RIMBP2: variants seen among roughly 807,000 people sequenced by gnomAD.
RIMBP2 encodes the protein RIMS binding protein 2, also known as RIMS-binding protein 2.
Under a neutral mutation model 118.6 loss-of-function variants are expected in RIMBP2, and 48 were observed. The observed-to-expected ratio is 0.40, with a 90% confidence interval of 0.32 to 0.51. The LOEUF (loss-of-function observed/expected upper bound fraction) is 0.51, where lower values mean the gene tolerates loss of function less well. Among genes scored for constraint, RIMBP2 ranks in the 20% least tolerant of loss-of-function variants. The pLI, the probability that RIMBP2 is intolerant of heterozygous loss-of-function variation, is 0.41. For synonymous variants in RIMBP2, 762 were observed against 742.9 expected, an observed-to-expected ratio of 1.03 and a Z score of -0.42; for missense variants, 1,551 against 1,768.3, an observed-to-expected ratio of 0.88 and a Z score of 2.20.
intron 10 of RIMBP2, among the ~76,000 whole-genome samples, chr12:130,444,094 C>A (rs2078339323): frequency 6.6e-6 from 1 of 152,186 alleles, no homozygotes; most frequent in East Asian, 1.9e-4. Flanking sequence ...GAGAAAGTTC[C>A]AGAGATTTCA....
chr12:130,500,906 A>C (rs1457172742), intron 4 of RIMBP2, among the ~76,000 whole-genome samples: 3 of 152,024 alleles, frequency 2.0e-5, no homozygotes, highest in Non-Finnish European at 4.4e-5. Context: ...ACTCTACCAC[A>C]CGCGTCATCT....
chr12:130,573,901 G>C (rs1018358428), intron 2 of RIMBP2, among the ~76,000 whole-genome samples: 1 of 152,052 alleles, frequency 6.6e-6, no homozygotes, highest in Non-Finnish European at 1.5e-5. Context: ...TCACTTTCCA[G>C]CCTCCACCCA....
chr12:130,492,262 G>A (rs1416616175), intron 4 of RIMBP2, among the ~76,000 whole-genome samples: 1 of 152,184 alleles, frequency 6.6e-6, no homozygotes, highest in Non-Finnish European at 1.5e-5. Flanking sequence ...GGTCTTTAAA[G>A]CTGTTTGTTT....
rs1311658569 is a variant in RIMBP2 at position 130,434,835 on chromosome 12, A to G, written c.2152T>C (p.Tyr718His). The G allele has an allele frequency of 6.2e-7, 1 of 1,613,728 alleles. No homozygotes were observed. Among genetic ancestry groups the G allele is most frequent in the Admixed American group, 1.7e-5 (1 of 60,008 alleles). ...GCGTCCTCCTCGTCTGAGGCGGCGT[A>G]CTGCCCCGCGCTGCTTCTCTCTAGG... is the stretch of plus-strand genomic sequence containing the variant. ...VFLERSSAGQ[Y>H]AASDEEDAYD... The change falls in exon 14 of 23, where the codon TAC becomes CAC. Residue 718 changes from tyrosine to histidine, a missense_variant. Coordinates refer to ENST00000690449, the MANE Select transcript of RIMBP2 (RefSeq NM_001393629.1). The surrounding 1 kb of genome is among the most constrained non-coding windows in gnomAD (Gnocchi z 5.7).
At chr12:130,411,455 T>C (rs1195602872) in intron 19 of RIMBP2, among the ~76,000 whole-genome samples, 1 of 152,188 alleles carries the variant, frequency 6.6e-6, no homozygotes, top group Non-Finnish European at 1.5e-5. Flanking sequence ...ACATTCAGCC[T>C]TTCACCATTA....
At chr12:130,571,416 A>ACATTTTTTTTTTTTTTT (rs386378267) in intron 2 of RIMBP2, among the ~76,000 whole-genome samples, 2 of 104,298 alleles carry the variant, frequency 1.9e-5, no homozygotes, top group African/African-American at 3.2e-5. Context: ...CCATAGTAAC[A>ACATTTTTTTTTTTTTTT]TTTTTTTTTT....
At chr12:130,664,375 G>GCA (rs2063780791) in intron 1 of RIMBP2, among the ~76,000 whole-genome samples, 1 of 106,898 alleles carries the variant, frequency 9.4e-6, no homozygotes, top group African/African-American at 3.1e-5. Context: ...GCACGTGCAT[G>GCA]CACGCACGCG....
chr12:130,552,255 G>A (rs1391051493), intron 2 of RIMBP2, among the ~76,000 whole-genome samples: 8 of 152,174 alleles, frequency 5.3e-5, no homozygotes, highest in South Asian at 4.1e-4. Flanking sequence ...GTAGAGGGCC[G>A]TGGGCAGTGT....
chr12:130,433,250 C>G (rs1407118600), intron 14 of RIMBP2, among the ~76,000 whole-genome samples: 1 of 152,212 alleles, frequency 6.6e-6, no homozygotes, highest in African/African-American at 2.4e-5. Context: ...TGGGGTTTAC[C>G]TTTTGGTGGA....
Position 130,442,925 on chromosome 12 carries a change from A to G in RIMBP2, c.692-265T>C, listed in dbSNP as rs965059479. Among the ~76,000 whole-genome samples the G allele has an allele frequency of 6.6e-6, 1 of 152,144 alleles. No individual in the cohort carries two copies. The highest frequency in any genetic ancestry group is 1.5e-5 in the Non-Finnish European group (1 of 68,040). ...AACCATCATGTTTGTGTATCCGTGTACGTACACTGACTACCCCCTCCCAAC... is the reference window on the plus strand; with the variant it reads ...AACCATCATGTTTGTGTATCCGTGTGCGTACACTGACTACCCCCTCCCAAC... On this transcript the variant is annotated intron_variant, in intron 10 of 22. Coordinates refer to ENST00000690449, the MANE Select transcript of RIMBP2 (RefSeq NM_001393629.1). The surrounding 1 kb of genome is among the most constrained non-coding windows in gnomAD (Gnocchi z 6.9).
intron 19 of RIMBP2, among the ~76,000 whole-genome samples, chr12:130,410,357 A>G (rs768350947): frequency 5.9e-5 from 9 of 152,194 alleles, no homozygotes; most frequent in Non-Finnish European, 1.3e-4. Context: ...TTTTAAGTGC[A>G]GAGTATTTAA....
At chr12:130,405,418 G>A (rs1565983439) in intron 21 of RIMBP2, among the ~76,000 whole-genome samples, 2 of 152,282 alleles carry the variant, frequency 1.3e-5, no homozygotes, top group East Asian at 1.9e-4. Flanking sequence ...TGATAAAGGC[G>A]GTGGGGGAGC....
rs1209387447 is a variant in RIMBP2, at chr12:130,434,894, A to T, written c.2107-14T>A. ...CCTTTTCTCTAACTTGGAAAGAAAAAGGAGGCACACGGGTGAGGCAGGGCC... is the reference window on the plus strand; with the variant it reads ...CCTTTTCTCTAACTTGGAAAGAAAATGGAGGCACACGGGTGAGGCAGGGCC... On this transcript the variant is annotated splice_polypyrimidine_tract_variant and intron_variant, in intron 13 of 22. Coordinates refer to ENST00000690449, the MANE Select transcript of RIMBP2 (RefSeq NM_001393629.1). This position sits in a 1 kb window ranked among gnomAD's most constrained non-coding sequence, Gnocchi z 5.7. 6.3e-7 allele frequency: 1 copy of T among 1,598,394 alleles called. No individual in the cohort carries two copies. Among genetic ancestry groups the T allele is most frequent in the Admixed American group, 1.7e-5 (1 of 58,482 alleles).
rs780554668 is a variant in RIMBP2 at position 130,674,440 on chromosome 12, G to C, written c.-352+41782C>G. The stretch of plus-strand genomic sequence containing the variant: ...ATGAGGACGTAGTTGTGCAGAGCAG[G>C]GCTGCTTCCTGGGGGACAGAGCAGG... On this transcript the variant is annotated intron_variant, in intron 1 of 22. Transcript: ENST00000690449. Among the ~76,000 whole-genome samples, 4 of 152,082 alleles carry C rather than the reference G, an allele frequency of 2.6e-5. No homozygotes were observed. In the East Asian group the frequency reaches 7.7e-4, roughly 29 times the overall value.
chr12:130,491,898 C>T (rs893945212), intron 4 of RIMBP2, among the ~76,000 whole-genome samples: 3 of 152,222 alleles, frequency 2.0e-5, no homozygotes, highest in Non-Finnish European at 4.4e-5. Context: ...TCGACATTCA[C>T]GCCAGCACTT....
chr12:130,445,398 G>T, intron 9 of RIMBP2, 129 bp from the exon 10 acceptor site: 2 of 590,458 alleles, frequency 3.4e-6, no homozygotes, highest in Non-Finnish European at 6.0e-6. Flanking sequence ...CCACATAATC[G>T]TTCGGGGCTG....
intron 22 of RIMBP2, 47 bp downstream of exon 22, chr12:130,399,632 A>G: frequency 1.2e-6 from 2 of 1,605,852 alleles, no homozygotes; most frequent in Non-Finnish European, 1.7e-6. Context: ...TAGACCACAT[A>G]TGGCAGAACG....
rs2074100016 is a variant in RIMBP2 at position 130,396,672 on chromosome 12, A to C, written c.*689T>G. The C allele has an allele frequency of 1.3e-5, 2 of 152,654 alleles. No homozygotes were observed. Among genetic ancestry groups the C allele is most frequent in the African/African-American group, 2.4e-5 (1 of 41,456 alleles). 9.5% of individuals were successfully genotyped at this position (152,654 alleles called of 1,614,324 possible). A position where few individuals can be genotyped will look rare whatever the true frequency, so the allele number is the denominator to read the frequency against. ...GATAATCGGCTTTCTGGAAGGTTGG[A>C]GTACTGGTGCTTTACCAAACAAAGT... On this transcript the variant is annotated 3_prime_UTR_variant, in exon 23 of 23. Coordinates refer to ENST00000690449, the MANE Select transcript of RIMBP2 (RefSeq NM_001393629.1).
rs545033849 is a variant in RIMBP2 at position 130,697,703 on chromosome 12, T to C, written c.-352+18519A>G. On this transcript the variant is annotated intron_variant, in intron 1 of 22. Transcript: ENST00000690449. The stretch of plus-strand genomic sequence containing the variant: ...CAGGCACAGTGGTGCCCACCTGTGG[T>C]CCCAGCTACTCCAGAGGCTGAGGCT... 2.0e-5 allele frequency among the ~76,000 whole-genome samples: 3 copies of C among 152,198 alleles called. No homozygotes were observed. The South Asian group carries it at 6.2e-4, about 32-fold the overall frequency.
Sources: allele counts gnomAD v4.1 joint callset (sites outside exome capture counted in the v4.1 genomes callset), GRCh38; gene constraint gnomAD v4.1.1; non-coding constraint Gnocchi (gnomAD v3.1); transcripts MANE v1.5; gene names NCBI Gene and HGNC (gene_info 2026-07-23, HGNC 2026-07-21).